Variants in CAPN11 observed in about 807,000 individuals in gnomAD.
CAPN11 encodes calpain-11.
In CAPN11, 108 loss-of-function variants were observed where a neutral mutation model predicts 105.3. That is an observed-to-expected ratio of 1.03 (90% CI 0.88 to 1.20). The LOEUF (loss-of-function observed/expected upper bound fraction) is 1.20, where lower values mean the gene tolerates loss of function less well. Among genes scored for constraint, CAPN11 ranks in the 50% most tolerant of loss-of-function variants. The pLI, the probability that CAPN11 is intolerant of heterozygous loss-of-function variation, is 0.00. For synonymous variants in CAPN11, 329 were observed against 344.5 expected, an observed-to-expected ratio of 0.96 and a Z score of 0.50; for missense variants, 883 against 924.8, an observed-to-expected ratio of 0.95 and a Z score of 0.59.
intron 4 of CAPN11, 150 bp downstream of exon 4, chr6:44,170,125 G>A: frequency 1.5e-6 from 1 of 651,262 alleles, no homozygotes; most frequent in South Asian, 1.8e-5. Flanking sequence ...GGAGATGACA[G>A]TGAGAACACC....
chr6:44,180,988 C>T lies in CAPN11; in HGVS notation c.1860C>T (p.Asn620=). Residue 620 remains asparagine (N), a synonymous_variant, in exon 18 of 23, where the codon AAC becomes AAT. Transcript: ENST00000398776. Reference sequence around the variant, plus strand: ...TGGATGCTTGCCGCTGCATGATCAACCTCATGGATGTATCCTCCTGTCCAG... The same window carrying T: ...TGGATGCTTGCCGCTGCATGATCAATCTCATGGATGTATCCTCCTGTCCAG... ...FGLDACRCMI[N]LMDKDGSGKL... 6.2e-7 allele frequency: 1 copy of T among 1,613,250 alleles called. No homozygotes were observed. Among genetic ancestry groups the T allele is most frequent in the Non-Finnish European group, 8.5e-7 (1 of 1,179,258 alleles).
chr6:44,169,869 TCCTGGGC>T (rs1351217478), intron 3 of CAPN11, 30 bp from the exon 4 acceptor site: 2 of 1,502,458 alleles, frequency 1.3e-6, no homozygotes, highest in Non-Finnish European at 1.8e-6. Flanking sequence ...GGAGGGGGTG[TCCTGGGC>T]CCCCTGAAAC....
intron 13 of CAPN11, 30 bp from the exon 14 acceptor site, chr6:44,179,922 G>A (rs759231339): frequency 1.3e-6 from 2 of 1,539,666 alleles, no homozygotes; most frequent in South Asian, 1.1e-5. Context: ...TCCCATGCCA[G>A]TCCTGTACCC....
rs1191968054 is a variant in CAPN11, at chr6:44,176,962, A to G, written c.1201A>G (p.Arg401Gly). 4.3e-6 allele frequency: 7 copies of G among 1,613,756 alleles called. No homozygotes were observed. The highest frequency in any genetic ancestry group is 5.9e-6 in the Non-Finnish European group (7 of 1,179,894). The change falls in exon 11 of 23, where the codon AGA becomes GGA. Residue 401 changes from arginine to glycine, a missense_variant. Transcript: ENST00000398776. ...HTTFYEGSWR[R>G]GSSAGGCRNH... ...CACCTTCTACGAGGGCAGCTGGCGC[A>G]GAGGCAGCTCCGCAGGGGGCTGCAG...
At chr6:44,181,352 G>T in intron 19 of CAPN11, 32 bp downstream of exon 19, 1 of 1,598,020 alleles carries the variant, frequency 6.3e-7, no homozygotes, top group Non-Finnish European at 8.6e-7. Context: ...GCCTCCAGGG[G>T]TGAGGAAAAG....
rs749561505 is a variant in CAPN11 at position 44,176,565 on chromosome 6, C to T, written c.1002-16C>T. On this transcript the variant is annotated splice_polypyrimidine_tract_variant and intron_variant, in intron 9 of 22. Coordinates refer to ENST00000398776, the MANE Select transcript of CAPN11 (RefSeq NM_007058.4). ...GACCTCCGCCCCTCTCCTTCCACCG[C>T]CCATCTCTGCTCCAGTGCCAGGGAG... is the stretch of plus-strand genomic sequence containing the variant. 8.1e-6 allele frequency: 13 copies of T among 1,611,166 alleles called. No homozygotes were observed. The highest frequency in any genetic ancestry group is 1.1e-5 in the South Asian group (1 of 90,938).
intron 20 of CAPN11, 41 bp from the exon 21 acceptor site, chr6:44,183,077 GC>G: frequency 6.3e-7 from 1 of 1,595,520 alleles, no homozygotes; most frequent in Non-Finnish European, 8.6e-7. Flanking sequence ...GTGTCCAGAG[GC>G]CCAGACTTTT....
chr6:44,162,056 C>T (rs1274386190), intron 1 of CAPN11: 16 of 369,752 alleles, frequency 4.3e-5, no homozygotes, highest in South Asian at 2.0e-4. Flanking sequence ...TCCCCTGAGA[C>T]CTGCCCCAGT....
In CAPN11 at chr6:44,169,302, G is replaced by T; in HGVS notation, c.110G>T (p.Gly37Val). The change falls in exon 3 of 23, where the codon GGA becomes GTA. Residue 37 changes from glycine (G) to valine (V), a missense_variant. Physicochemically the swap from Gly to Val is moderately radical, Grantham distance 109. Transcript: ENST00000398776. The part of the protein sequence containing the change: ...SCAEPTFTDT[G>V]MVAHINNSRL... ...GCAGAGCCCACTTTTACTGATACGG[G>T]AATGGTGGCTCACATAAACAACAGC... is the stretch of plus-strand genomic sequence containing the variant. 1 of 1,611,276 alleles carries T rather than the reference G, an allele frequency of 6.2e-7. No homozygotes were observed. Among genetic ancestry groups the T allele is most frequent in the African/African-American group, 1.3e-5 (1 of 74,890 alleles).
chr6:44,162,303 A>T (rs1442636463), intron 1 of CAPN11, among the ~76,000 whole-genome samples: 1 of 150,842 alleles, frequency 6.6e-6, no homozygotes, highest in Non-Finnish European at 1.5e-5. Flanking sequence ...AACCCTCTTC[A>T]TCTGAAAGGG....
At position 44,173,400 on chromosome 6, in the gene CAPN11, G is replaced by C. The variant is rs1311923994; in HGVS notation, c.831+14G>C. 1 of 1,567,658 alleles carries C rather than the reference G, an allele frequency of 6.4e-7. No individual in the cohort carries two copies. The stretch of plus-strand genomic sequence containing the variant: ...TGCTCCATTGAAGTAAGCAAAGCAT[G>C]GTCCCACCTCAGGGCCTTTGCACCT... On this transcript the variant is annotated intron_variant, in intron 7 of 22. Transcript: ENST00000398776.
rs567163175 is a variant in CAPN11 at position 44,177,210 on chromosome 6, C to G, written c.1238-32C>G. Reference sequence around the variant, plus strand: ...GAAGGGCGTGGCCAAGGGAAGCCCCCGTATAACCACGCTGACCCACTTCCG... The same window carrying G: ...GAAGGGCGTGGCCAAGGGAAGCCCCGGTATAACCACGCTGACCCACTTCCG... On this transcript the variant is annotated intron_variant, in intron 11 of 22. Transcript: ENST00000398776. The G allele has an allele frequency of 2.0e-5, 31 of 1,549,942 alleles. No individual in the cohort carries two copies. The South Asian group carries it at 3.1e-4, about 15-fold the overall frequency.
chr6:44,167,497 CAAAA>C (rs61107654), intron 2 of CAPN11, among the ~76,000 whole-genome samples: 4 of 27,074 alleles, frequency 1.5e-4, no homozygotes, highest in Admixed American at 1.3e-3. Context: ...GACTCCATCT[CAAAA>C]AAAAAAAAAA....
chr6:44,173,315 C>T lies in CAPN11; in HGVS notation c.760C>T (p.Pro254Ser), dbSNP rs756157496. 9.8e-5 allele frequency: 158 copies of T among 1,613,862 alleles called. 2 individuals are homozygous for T. In the South Asian group the frequency reaches 1.7e-3, roughly 17 times the overall value. The change falls in exon 7 of 23, where the codon CCC (proline) becomes TCC (serine). Residue 254 changes from proline to serine, a missense_variant. By Grantham distance (74) the Pro-to-Ser change is moderately conservative (BLOSUM62 -1). Transcript: ENST00000398776. ...GGCCCAGAGCTTCCAACTCCAGAGG[C>T]CCCCTCAGAACCTGCTCAGGCTCCT... ...GVAQSFQLQRPPQNLLRLLRK... is the reference protein window; with the variant it reads ...GVAQSFQLQRSPQNLLRLLRK...
rs1184058529 is a variant in CAPN11 at position 44,172,301 on chromosome 6, G to A, written c.410-1G>A. The A allele has an allele frequency of 1.3e-6, 2 of 1,550,082 alleles. No individual in the cohort carries two copies. The highest frequency in any genetic ancestry group is 1.7e-6 in the Non-Finnish European group (2 of 1,146,506). ...TGGCAAAGCCCTGCCTGTCTTTCCA[G>A]GGGACTGCTGGCTGCTGGCTGCCAT... On this transcript the variant is annotated splice_acceptor_variant, in intron 4 of 22. Transcript: ENST00000398776. LOFTEE classifies it high-confidence loss of function.
intron 1 of CAPN11, among the ~76,000 whole-genome samples, chr6:44,163,405 G>A (rs1300058847): frequency 6.6e-6 from 1 of 152,178 alleles, no homozygotes; most frequent in Non-Finnish European, 1.5e-5. Context: ...GCCGCACCAA[G>A]GCCAGTTGAC....
chr6:44,166,907 C>G, intron 2 of CAPN11, 78 bp downstream of exon 2: 1 of 975,780 alleles, frequency 1.0e-6, no homozygotes, highest in Non-Finnish European at 1.6e-6. Context: ...TTCCCCTGGG[C>G]CTGCTGGTGG....
chr6:44,167,721 G>A (rs1445181169), intron 2 of CAPN11, among the ~76,000 whole-genome samples: 2 of 151,816 alleles, frequency 1.3e-5, no homozygotes, highest in African/African-American at 4.8e-5. Context: ...ACCGGTCTGG[G>A]CAACATAGTG....
At chr6:44,177,494 T>TTCTTTC in intron 12 of CAPN11, 74 bp downstream of exon 12, 6 of 1,148,648 alleles carry the variant, frequency 5.2e-6, no homozygotes, top group East Asian at 5.2e-5. Flanking sequence ...CTTTCTTTCT[T>TTCTTTC]TTTTTTTTTT....
Sources: allele counts gnomAD v4.1 joint callset (sites outside exome capture counted in the v4.1 genomes callset), GRCh38; gene constraint gnomAD v4.1.1; transcripts MANE v1.5; gene names NCBI Gene and HGNC (gene_info 2026-07-23, HGNC 2026-07-21).